BICD1: variants seen among roughly 807,000 people sequenced by gnomAD.
BICD1 encodes the protein protein bicaudal D homolog 1.
Under a neutral mutation model 92.5 loss-of-function variants are expected in BICD1, and 35 were observed. The ratio of observed to expected loss-of-function variants is 0.38; its 90% confidence interval spans 0.29 to 0.50. The LOEUF (loss-of-function observed/expected upper bound fraction) is 0.50. BICD1 is among the 20% of genes least tolerant of loss of function. BICD1 has a pLI of 0.93. For synonymous variants in BICD1, 429 were observed against 465.1 expected (o/e 0.92, Z 1.00); for missense variants, 950 against 1,189.8 (o/e 0.80, Z 2.97).
intron 9 of BICD1, among the ~76,000 whole-genome samples, chr12:32,369,664 G>C (rs2136334349): frequency 6.6e-6 from 1 of 152,344 alleles, no homozygotes; most frequent in East Asian, 1.9e-4. Context: ...GGCTGAGGCG[G>C]GAGGATGGCT....
chr12:32,280,959 T>C (rs1947395833), intron 2 of BICD1, among the ~76,000 whole-genome samples: 1 of 152,244 alleles, frequency 6.6e-6, no homozygotes, highest in African/African-American at 2.4e-5. Flanking sequence ...GCATACCATA[T>C]CTTGCTCTTA....
At chr12:32,326,099 AAAG>A (rs1655004986) in intron 4 of BICD1, among the ~76,000 whole-genome samples, 1 of 151,014 alleles carries the variant, frequency 6.6e-6, no homozygotes, top group Non-Finnish European at 1.5e-5. Flanking sequence ...AAAAAAAAAA[AAAG>A]AAAGTTTGAA....
In BICD1 at chr12:32,378,370, C is replaced by A. The variant is rs1335982580; in HGVS notation, c.*743C>A. On this transcript the variant is annotated 3_prime_UTR_variant, in exon 10 of 10. Coordinates refer to ENST00000652176, the MANE Select transcript of BICD1 (RefSeq NM_001714.4). ...CTTCACTGGACATTACTAAGTAAAT[C>A]TAAGAAAGAGACTAAGTTATGATTT... 6.6e-6 allele frequency: 1 copy of A among 152,176 alleles called. No individual in the cohort carries two copies. The highest frequency in any genetic ancestry group is 2.4e-5 in the African/African-American group (1 of 41,440). The allele number at this position is 152,176 out of a possible 1,614,324, so 9.4% of individuals were successfully genotyped here. A position where few individuals can be genotyped will look rare whatever the true frequency, so the allele number is the denominator to read the frequency against.
intron 1 of BICD1, among the ~76,000 whole-genome samples, chr12:32,116,462 G>GTCTGTCTC (rs1941899925): frequency 3.3e-5 from 3 of 91,662 alleles, no homozygotes; most frequent in African/African-American, 1.5e-4. Context: ...CTGTCTGTCT[G>GTCTGTCTC]TCTCTCTCTC....
At chr12:32,312,928 G>A (rs975633133) in intron 4 of BICD1, among the ~76,000 whole-genome samples, 8 of 152,082 alleles carry the variant, frequency 5.3e-5, no homozygotes, top group South Asian at 2.1e-4. Context: ...ATTTTCCAGT[G>A]GCAGTCAAAT....
chr12:32,154,927 G>GT (rs1337684292), intron 1 of BICD1, among the ~76,000 whole-genome samples: 2 of 152,028 alleles, frequency 1.3e-5, no homozygotes, highest in African/African-American at 4.8e-5. Context: ...TCCCTCGTCA[G>GT]TTTTTCCTCT....
In BICD1 at chr12:32,282,081, T is replaced by TG. The variant is rs1040779795; in HGVS notation, c.427-11911dup. Among the ~76,000 whole-genome samples, 29 of 152,188 alleles carry TG rather than the reference T, an allele frequency of 1.9e-4. 1 individual carries two copies. Among genetic ancestry groups the TG allele is most frequent in the African/African-American group, 6.3e-4 (26 of 41,512 alleles). On this transcript the variant is annotated intron_variant, in intron 2 of 9. Transcript: ENST00000652176. ...AGGAATGGTCTTAGAAAGCTGCTTT[T>TG]GGAGATGACAGTTAGGTTGAGGATC...
At chr12:32,324,597 A>T (rs1227824198) in intron 4 of BICD1, among the ~76,000 whole-genome samples, 1 of 151,738 alleles carries the variant, frequency 6.6e-6, no homozygotes, top group Non-Finnish European at 1.5e-5. Flanking sequence ...TGAGATGAAG[A>T]TGGAGTCTCA....
At chr12:32,340,021 C>T in intron 8 of BICD1, 1 of 918,086 alleles carries the variant, frequency 1.1e-6, no homozygotes, top group Non-Finnish European at 1.3e-6. Context: ...TTATACCCAG[C>T]CTGCTATCCT....
intron 9 of BICD1, among the ~76,000 whole-genome samples, chr12:32,375,183 C>A (rs1194262213): frequency 6.6e-6 from 1 of 151,812 alleles, no homozygotes; most frequent in Non-Finnish European, 1.5e-5. Context: ...CCTTGGCCTC[C>A]TGAAGTGCTG....
At chr12:32,159,043 C>T (rs529428493) in intron 1 of BICD1, among the ~76,000 whole-genome samples, 164 of 152,278 alleles carry the variant, frequency 1.1e-3, no homozygotes, top group South Asian at 2.5e-3. Context: ...AGGCAATACT[C>T]TTGCCTCAGC....
intron 5 of BICD1, among the ~76,000 whole-genome samples, chr12:32,329,448 A>G (rs766264633): frequency 5.3e-5 from 8 of 152,210 alleles, no homozygotes; most frequent in Non-Finnish European, 8.8e-5. Flanking sequence ...AAACTTAGAG[A>G]AACAAGAGCG....
At chr12:32,255,207 C>T (rs982756230) in intron 2 of BICD1, among the ~76,000 whole-genome samples, 7 of 152,084 alleles carry the variant, frequency 4.6e-5, no homozygotes, top group Non-Finnish European at 1.0e-4. Context: ...GCTGATGTCT[C>T]TTCATATAAA....
chr12:32,333,012 TG>T (rs1937946431), intron 5 of BICD1: 1 of 985,246 alleles, frequency 1.0e-6, no homozygotes, highest in Non-Finnish European at 1.2e-6. Flanking sequence ...CAAACAAAAC[TG>T]AGGCTTTGGG....
chr12:32,136,437 G>A (rs1450022662), intron 1 of BICD1, among the ~76,000 whole-genome samples: 2 of 152,172 alleles, frequency 1.3e-5, no homozygotes, highest in Admixed American at 6.5e-5. Context: ...AACGAGGATC[G>A]TAAGCCCCTT....
At chr12:32,344,198 G>GC (rs772692581) in intron 8 of BICD1, among the ~76,000 whole-genome samples, 7 of 152,168 alleles carry the variant, frequency 4.6e-5, no homozygotes, top group Non-Finnish European at 1.0e-4. Flanking sequence ...TGCAAGGCTG[G>GC]CCATGAAAGG....
chr12:32,228,546 T>G (rs1375241057), intron 2 of BICD1, among the ~76,000 whole-genome samples: 1 of 152,200 alleles, frequency 6.6e-6, no homozygotes, highest in Non-Finnish European at 1.5e-5. Context: ...GAACCTGACT[T>G]TATTGAGGCA....
intron 2 of BICD1, among the ~76,000 whole-genome samples, chr12:32,235,555 T>TG (rs80112925): frequency 1.4e-4 from 1 of 7,316 alleles, no homozygotes. Flanking sequence ...GAAGATATTG[T>TG]GGGTTTTTTT....
intron 9 of BICD1, among the ~76,000 whole-genome samples, chr12:32,375,065 C>G (rs1207313917): frequency 6.8e-6 from 1 of 148,070 alleles, no homozygotes; most frequent in African/African-American, 2.5e-5. Context: ...ACTACAGGCG[C>G]CCGCCACCAC....
Sources: allele counts gnomAD v4.1 joint callset (sites outside exome capture counted in the v4.1 genomes callset), GRCh38; gene constraint gnomAD v4.1.1; transcripts MANE v1.5; gene names NCBI Gene and HGNC (gene_info 2026-07-23, HGNC 2026-07-21).